PTPRQ: variants seen among roughly 807,000 people sequenced by gnomAD.
PTPRQ encodes phosphatidylinositol phosphatase PTPRQ.
Under a neutral mutation model 246.0 loss-of-function variants are expected in PTPRQ, and 199 were observed. The observed-to-expected ratio is 0.81, with a 90% CI of 0.72 to 0.91. PTPRQ has a LOEUF of 0.91. Among genes scored for constraint, PTPRQ ranks in the 40% least tolerant of loss-of-function variants. PTPRQ has a pLI of 0.00. For missense variants in PTPRQ, 2,624 were observed against 2,528.4 expected (o/e 1.04, Z -0.81); for synonymous variants, 869 against 853.2 (o/e 1.02, Z -0.32).
chr12:80,546,465 A>T, intron 23 of PTPRQ, 91 bp from the exon 24 acceptor site: 1 of 1,223,202 alleles, frequency 8.2e-7, no homozygotes, highest in Admixed American at 2.8e-5. Flanking sequence ...CTATAGGTTA[A>T]ATATAAAAGG....
chr12:80,624,208 A>G (rs547500353), intron 33 of PTPRQ, among the ~76,000 whole-genome samples: 2 of 152,338 alleles, frequency 1.3e-5, no homozygotes, highest in East Asian at 1.9e-4. Context: ...GCCAAGACTA[A>G]GGAAGGAGGG....
chr12:80,658,976 A>G (rs1420873056), intron 39 of PTPRQ, among the ~76,000 whole-genome samples: 1 of 151,944 alleles, frequency 6.6e-6, no homozygotes, highest in Non-Finnish European at 1.5e-5. Flanking sequence ...AGCCTTTGTC[A>G]TGGAGGAAAA....
intron 17 of PTPRQ, among the ~76,000 whole-genome samples, chr12:80,518,716 C>T (rs990370333): frequency 6.6e-6 from 1 of 152,150 alleles, no homozygotes; most frequent in Non-Finnish European, 1.5e-5. Context: ...TTTCCCAGCA[C>T]CATTTATTGA....
At chr12:80,554,967 G>A (rs908579385) in intron 25 of PTPRQ, among the ~76,000 whole-genome samples, 8 of 151,852 alleles carry the variant, frequency 5.3e-5, no homozygotes, top group African/African-American at 1.7e-4. Flanking sequence ...AGGCTGGAGT[G>A]AAGTGGCGCT....
intron 17 of PTPRQ, among the ~76,000 whole-genome samples, chr12:80,533,312 T>C (rs1895896636): frequency 6.6e-6 from 1 of 152,004 alleles, no homozygotes; most frequent in Admixed American, 6.5e-5. Context: ...GACTCTTTTT[T>C]CCCTTCCTGA....
At chr12:80,485,128 T>C (rs1447475949) in intron 9 of PTPRQ, among the ~76,000 whole-genome samples, 2 of 152,178 alleles carry the variant, frequency 1.3e-5, no homozygotes, top group African/African-American at 4.8e-5. Flanking sequence ...AGTCGTTTCA[T>C]AGATTTTAAA....
intron 26 of PTPRQ, among the ~76,000 whole-genome samples, chr12:80,597,701 A>C (rs765014976): frequency 1.3e-5 from 2 of 151,954 alleles, no homozygotes; most frequent in Non-Finnish European, 2.9e-5. Context: ...GTTATAGAGC[A>C]GTGATTCTTA....
At chr12:80,451,148 T>A (rs542585960) in intron 3 of PTPRQ, among the ~76,000 whole-genome samples, 2 of 152,298 alleles carry the variant, frequency 1.3e-5, no homozygotes, top group South Asian at 2.1e-4. Flanking sequence ...CCTTCTAGAT[T>A]TTCTAGTTTA....
intron 26 of PTPRQ, among the ~76,000 whole-genome samples, chr12:80,599,662 A>G (rs1480138885): frequency 6.6e-6 from 1 of 151,706 alleles, no homozygotes; most frequent in Non-Finnish European, 1.5e-5. Flanking sequence ...GTTAAATTTC[A>G]TAAGAAAGAT....
chr12:80,642,342 T>C (rs550264343), intron 35 of PTPRQ, among the ~76,000 whole-genome samples: 1 of 152,318 alleles, frequency 6.6e-6, no homozygotes, highest in South Asian at 2.1e-4. Context: ...TCTCTTCACA[T>C]AACTTTGATC....
intron 24 of PTPRQ, among the ~76,000 whole-genome samples, chr12:80,547,658 T>C (rs1896347616): frequency 6.6e-6 from 1 of 152,204 alleles, no homozygotes; most frequent in Non-Finnish European, 1.5e-5. Flanking sequence ...GACCTACTAG[T>C]TGTATAATCT....
intron 25 of PTPRQ, among the ~76,000 whole-genome samples, chr12:80,571,628 T>C (rs1897148578): frequency 6.6e-6 from 1 of 152,114 alleles, no homozygotes; most frequent in Admixed American, 6.5e-5. Flanking sequence ...ATATCCTGGG[T>C]TTTATTCTAG....
intron 25 of PTPRQ, among the ~76,000 whole-genome samples, chr12:80,582,416 C>T (rs1229376813): frequency 1.3e-5 from 2 of 152,110 alleles, no homozygotes; most frequent in Non-Finnish European, 2.9e-5. Flanking sequence ...ATGTTGTAGT[C>T]CTAACTCCCT....
intron 8 of PTPRQ, among the ~76,000 whole-genome samples, chr12:80,476,149 CT>C (rs1226222643): frequency 6.6e-6 from 1 of 151,376 alleles, no homozygotes; most frequent in East Asian, 1.9e-4. Context: ...ATTGTTTTGT[CT>C]GCATAAAAAC....
chr12:80,668,433 G>T (rs140617433), intron 39 of PTPRQ, among the ~76,000 whole-genome samples: 1,690 of 151,914 alleles, frequency 0.011, 30 homozygotes, highest in African/African-American at 0.039. Context: ...CTAGACTAAT[G>T]ACTAATGCCA....
chr12:80,534,296 A>T (rs1308239198), intron 18 of PTPRQ, 121 bp downstream of exon 18: 3 of 1,114,494 alleles, frequency 2.7e-6, no homozygotes, highest in African/African-American at 3.2e-5. Flanking sequence ...CATCAGTTTG[A>T]TGAAAAATTG....
chr12:80,513,050 C>T (rs1170157689), intron 17 of PTPRQ, among the ~76,000 whole-genome samples: 1 of 152,022 alleles, frequency 6.6e-6, no homozygotes. Flanking sequence ...CAGCTGAAAC[C>T]CCAGTGGGCG....
chr12:80,585,893 C>G (rs1897600248), intron 25 of PTPRQ, among the ~76,000 whole-genome samples: 1 of 120,018 alleles, frequency 8.3e-6, no homozygotes, highest in Non-Finnish European at 1.7e-5. Context: ...CTCCCCCCAC[C>G]CCACAACAGT....
chr12:80,652,053 A>C (rs1241919466), intron 37 of PTPRQ, among the ~76,000 whole-genome samples: 4 of 152,138 alleles, frequency 2.6e-5, no homozygotes, highest in Non-Finnish European at 5.9e-5. Context: ...AAAATGGAAA[A>C]CTATAAATTT....
Sources: gnomAD v4.1 joint callset for allele counts (sites outside exome capture counted in the v4.1 genomes callset) on GRCh38, gnomAD v4.1.1 for gene constraint, MANE v1.5 for transcripts, NCBI Gene and HGNC (gene_info 2026-07-23, HGNC 2026-07-21) for gene names.